Variants in TMPRSS15 observed in about 807,000 individuals in gnomAD.
The protein encoded by TMPRSS15 is transmembrane serine protease 15, also known as enteropeptidase.
Under a neutral mutation model 125.3 loss-of-function variants are expected in TMPRSS15, and 128 were observed. The ratio of observed to expected loss-of-function variants is 1.02; its 90% CI spans 0.89 to 1.18. The LOEUF (loss-of-function observed/expected upper bound fraction) is 1.18. Among genes scored for constraint, TMPRSS15 ranks in the 50% most tolerant of loss-of-function variants. The pLI, the probability that TMPRSS15 is intolerant of heterozygous loss-of-function variation, is 0.00. For missense variants in TMPRSS15, 1,283 were observed against 1,212.7 expected, an observed-to-expected ratio of 1.06 and a Z score of -0.86; for synonymous variants, 446 against 423.2, an observed-to-expected ratio of 1.05 and a Z score of -0.66.
chr21:18,302,193 C>A (rs2074979957), intron 18 of TMPRSS15, among the ~76,000 whole-genome samples: 1 of 152,166 alleles, frequency 6.6e-6, no homozygotes, highest in Admixed American at 6.5e-5. Context: ...TCATTTCACA[C>A]CCCAAAAGGT....
upstream of TMPRSS15, among the ~76,000 whole-genome samples, chr21:18,407,443 C>A (rs941495516): frequency 8.6e-6 from 1 of 116,160 alleles, no homozygotes; most frequent in Non-Finnish European, 1.8e-5. Context: ...TTCTTTTTTT[C>A]TTTTCTTTTT....
intron 1 of TMPRSS15, among the ~76,000 whole-genome samples, chr21:18,426,127 A>T (rs2076202159): frequency 6.6e-6 from 1 of 152,234 alleles, no homozygotes; most frequent in East Asian, 1.9e-4. Context: ...TTATTTTACG[A>T]ACCCTTATTT....
At chr21:18,327,663 AT>A (rs2075305488) in intron 15 of TMPRSS15, among the ~76,000 whole-genome samples, 3 of 152,286 alleles carry the variant, frequency 2.0e-5, no homozygotes, top group African/African-American at 7.2e-5. Flanking sequence ...CTGACTGCAT[AT>A]CTATTAGATC....
At chr21:18,421,111 A>T (rs2076191244) in intron 1 of TMPRSS15, among the ~76,000 whole-genome samples, 1 of 152,178 alleles carries the variant, frequency 6.6e-6, no homozygotes, top group Non-Finnish European at 1.5e-5. Flanking sequence ...ATCACTAAAC[A>T]CTATACCACT....
intron 1 of TMPRSS15, among the ~76,000 whole-genome samples, chr21:18,464,371 C>G (rs758787691): frequency 6.6e-6 from 1 of 151,360 alleles, no homozygotes; most frequent in Non-Finnish European, 1.5e-5. Flanking sequence ...CAAGAGCAAA[C>G]GTATTTAAAA....
intron 22 of TMPRSS15, among the ~76,000 whole-genome samples, chr21:18,279,972 G>A (rs901450471): frequency 1.3e-5 from 2 of 152,054 alleles, no homozygotes; most frequent in Admixed American, 1.3e-4. Flanking sequence ...TAAGACCTAG[G>A]GCAGACACAA....
At chr21:18,344,186 G>C in intron 10 of TMPRSS15, 126 bp from the exon 11 acceptor site, 2 of 815,718 alleles carry the variant, frequency 2.5e-6, no homozygotes, top group Non-Finnish European at 4.1e-6. Context: ...TTTTAATATA[G>C]TGGACAGGAC....
At chr21:18,314,681 A>G (rs917933430) in intron 17 of TMPRSS15, among the ~76,000 whole-genome samples, 27 of 151,958 alleles carry the variant, frequency 1.8e-4, no homozygotes, top group African/African-American at 5.8e-4. Context: ...AAAAGACATA[A>G]TAAAAGTATC....
intron 3 of TMPRSS15, among the ~76,000 whole-genome samples, chr21:18,396,792 A>AAATCTGTCTGTCTGTCTGTCTG (rs1408156983): frequency 1.9e-4 from 21 of 112,790 alleles, no homozygotes; most frequent in East Asian, 3.8e-4. Flanking sequence ...AAAAAAAAAA[A>AAATCTGTCTGTCTGTCTGTCTG]TCTGTCTGTC....
At chr21:18,372,366 T>G in intron 5 of TMPRSS15, 42 bp from the exon 6 acceptor site, 1 of 1,595,176 alleles carries the variant, frequency 6.3e-7, no homozygotes, top group Non-Finnish European at 8.6e-7. Flanking sequence ...TGATGAGATA[T>G]GTACAATGTT....
chr21:18,468,453 C>A (rs770477063), intron 1 of TMPRSS15, among the ~76,000 whole-genome samples: 15 of 152,070 alleles, frequency 9.9e-5, no homozygotes, highest in Non-Finnish European at 1.8e-4. Context: ...ACTGGCTCAG[C>A]CTCCTTAGAC....
chr21:18,362,749 A>C (rs1257620564), intron 7 of TMPRSS15, among the ~76,000 whole-genome samples: 1 of 152,164 alleles, frequency 6.6e-6, no homozygotes, highest in African/African-American at 2.4e-5. Context: ...AGCACTTTAC[A>C]TTCATTATCA....
chr21:18,423,132 G>A (rs1221159601), intron 1 of TMPRSS15, among the ~76,000 whole-genome samples: 2 of 152,162 alleles, frequency 1.3e-5, no homozygotes, highest in Non-Finnish European at 2.9e-5. Context: ...GCAGAGACTG[G>A]CAAATATGAC....
intron 1 of TMPRSS15, among the ~76,000 whole-genome samples, chr21:18,426,230 G>A (rs2076202385): frequency 6.6e-6 from 1 of 152,062 alleles, no homozygotes; most frequent in Admixed American, 6.5e-5. Context: ...TGTGTTCTAT[G>A]AAGTAGGAAT....
chr21:18,461,442 G>A (rs1158417845), intron 1 of TMPRSS15, among the ~76,000 whole-genome samples: 2 of 151,698 alleles, frequency 1.3e-5, no homozygotes, highest in Non-Finnish European at 2.9e-5. Context: ...AATCCCTAGT[G>A]TTTCAGTAAC....
At chr21:18,340,824 C>A (rs1178236872) in intron 13 of TMPRSS15, among the ~76,000 whole-genome samples, 1 of 152,172 alleles carries the variant, frequency 6.6e-6, no homozygotes, top group East Asian at 1.9e-4. Flanking sequence ...CCAGTGAAAA[C>A]AAAATGGAAA....
At chr21:18,414,098 A>T (rs2076174382) in intron 1 of TMPRSS15, among the ~76,000 whole-genome samples, 1 of 152,230 alleles carries the variant, frequency 6.6e-6, no homozygotes, top group African/African-American at 2.4e-5. Context: ...ATAGACTGTC[A>T]TTAGAATGTT....
At chr21:18,280,586 A>AAAAACAAAC (rs1555890684) in intron 22 of TMPRSS15, among the ~76,000 whole-genome samples, 1 of 148,976 alleles carries the variant, frequency 6.7e-6, no homozygotes, top group African/African-American at 2.6e-5. Context: ...AAAAAAAAAA[A>AAAAACAAAC]AAAAAAAAAC....
At chr21:18,354,134 T>C (rs2075601390) in intron 8 of TMPRSS15, among the ~76,000 whole-genome samples, 1 of 151,888 alleles carries the variant, frequency 6.6e-6, no homozygotes, top group South Asian at 2.1e-4. Flanking sequence ...CTCTATGCAC[T>C]ATATATACAT....
Sources: allele counts gnomAD v4.1 joint callset (sites outside exome capture counted in the v4.1 genomes callset), GRCh38; gene constraint gnomAD v4.1.1; transcripts MANE v1.5; gene names NCBI Gene and HGNC (gene_info 2026-07-23, HGNC 2026-07-21).